Variants in FBN2 observed in about 807,000 individuals in gnomAD.
FBN2 encodes the protein fibrillin 2, also known as fibrillin-2.
A neutral mutation model predicts 355.6 loss-of-function variants in FBN2; 105 were observed. That is an observed-to-expected ratio of 0.30 (90% CI 0.25 to 0.35). The LOEUF (loss-of-function observed/expected upper bound fraction) is 0.35. Among genes scored for constraint, FBN2 ranks in the 10% least tolerant of loss-of-function variants. The probability of loss-of-function intolerance (pLI) is 1.00; values close to 1 mark genes in which losing one functional copy is unlikely to be tolerated. For synonymous variants in FBN2, 1,350 were observed against 1,301.2 expected (o/e 1.04, Z -0.81); for missense variants, 3,280 against 3,758.7 (o/e 0.87, Z 3.33).
intron 54 of FBN2, 121 bp downstream of exon 54, chr5:128,287,187 G>A: frequency 8.4e-7 from 1 of 1,188,660 alleles, no homozygotes; most frequent in Non-Finnish European, 1.2e-6. Flanking sequence ...CTAGCAAAAT[G>A]CTGTCATATA....
intron 5 of FBN2, among the ~76,000 whole-genome samples, chr5:128,495,187 T>C (rs1044025692): frequency 7.1e-6 from 1 of 140,146 alleles, no homozygotes; most frequent in African/African-American, 3.0e-5. Flanking sequence ...AAGAGTAGAT[T>C]GGAACTCGCA....
At chr5:128,313,463 C>G (rs1750114622) in intron 36 of FBN2, among the ~76,000 whole-genome samples, 1 of 152,148 alleles carries the variant, frequency 6.6e-6, no homozygotes, top group Non-Finnish European at 1.5e-5. Context: ...TGTCAATGCT[C>G]TTTCCTCCAT....
chr5:128,497,540 G>A (rs1246683671), intron 5 of FBN2, among the ~76,000 whole-genome samples: 4 of 152,172 alleles, frequency 2.6e-5, no homozygotes, highest in East Asian at 3.8e-4. Context: ...GAACCAGCAC[G>A]TAAAAGGAAA....
chr5:128,462,371 A>G (rs1418176386), intron 6 of FBN2, among the ~76,000 whole-genome samples: 2 of 152,188 alleles, frequency 1.3e-5, no homozygotes, highest in Non-Finnish European at 2.9e-5. Flanking sequence ...AGGAATTTAA[A>G]GGAAAAAAAT....
At chr5:128,413,770 A>C (rs1307790850) in intron 7 of FBN2, among the ~76,000 whole-genome samples, 1 of 148,338 alleles carries the variant, frequency 6.7e-6, no homozygotes, top group African/African-American at 2.6e-5. Flanking sequence ...AGTACAAATA[A>C]AACAAGAAAT....
chr5:128,313,874 A>AC (rs1750129440), intron 36 of FBN2, among the ~76,000 whole-genome samples: 1 of 151,372 alleles, frequency 6.6e-6, no homozygotes, highest in East Asian at 1.9e-4. Flanking sequence ...AAAAAAAAAA[A>AC]AACATATCTG....
At chr5:128,373,288 A>G (rs1447739261) in intron 15 of FBN2, among the ~76,000 whole-genome samples, 1 of 152,230 alleles carries the variant, frequency 6.6e-6, no homozygotes, top group African/African-American at 2.4e-5. Flanking sequence ...AAGCAAGTAA[A>G]TATATTAAAG....
chr5:128,263,769 A>C, intron 62 of FBN2, 113 bp from the exon 63 acceptor site: 1 of 688,292 alleles, frequency 1.5e-6, no homozygotes. Flanking sequence ...ACTCTAACAC[A>C]GTATTTTATT....
chr5:128,364,404 T>C (rs1016846455), intron 18 of FBN2, among the ~76,000 whole-genome samples, 196 bp downstream of exon 18: 2 of 152,194 alleles, frequency 1.3e-5, no homozygotes, highest in East Asian at 1.9e-4. Context: ...TAAAAACGAA[T>C]TGGTACCACC....
At chr5:128,480,816 T>G (rs957169592) in intron 5 of FBN2, among the ~76,000 whole-genome samples, 3 of 152,192 alleles carry the variant, frequency 2.0e-5, no homozygotes, top group African/African-American at 7.2e-5. Flanking sequence ...ACTCTCTGGT[T>G]TTCCAAAACA....
intron 7 of FBN2, among the ~76,000 whole-genome samples, chr5:128,428,173 G>C (rs1262743069): frequency 6.6e-6 from 1 of 152,090 alleles, no homozygotes; most frequent in Non-Finnish European, 1.5e-5. Flanking sequence ...GATTATTGCA[G>C]GAGCCTCCCA....
chr5:128,519,481 T>A, intron 4 of FBN2, 113 bp from the exon 5 acceptor site: 1 of 767,036 alleles, frequency 1.3e-6, no homozygotes, highest in Non-Finnish European at 2.3e-6. Flanking sequence ...TACATTATGT[T>A]AATTAAACTG....
chr5:128,445,460 A>G (rs1754039416), intron 7 of FBN2, among the ~76,000 whole-genome samples: 1 of 152,208 alleles, frequency 6.6e-6, no homozygotes, highest in Non-Finnish European at 1.5e-5. Flanking sequence ...AATATAGTTC[A>G]TACTGCTGTT....
At chr5:128,289,973 AT>A in intron 50 of FBN2, 26 bp from the exon 51 acceptor site, 1 of 1,382,622 alleles carries the variant, frequency 7.2e-7, no homozygotes, top group Non-Finnish European at 1.0e-6. Context: ...CAAATTCTCC[AT>A]TATTGAAGAC....
intron 48 of FBN2, among the ~76,000 whole-genome samples, chr5:128,294,428 G>A (rs1015147719): frequency 1.3e-5 from 2 of 152,172 alleles, no homozygotes; most frequent in East Asian, 1.9e-4. Flanking sequence ...CTTCCACAAC[G>A]GTTGAACTAG....
In FBN2 at chr5:128,286,690, T is replaced by G. The variant is rs776054606; in HGVS notation, c.7012+28A>C. 5.6e-6 allele frequency: 9 copies of G among 1,613,628 alleles called. No homozygotes were observed. In the Admixed American group the frequency reaches 1.0e-4, roughly 18 times the overall value. Reference sequence around the variant, plus strand: ...TGAGGCTGGGAGTGGAGGCATTACATAAGCAGACACCTTCCCTTACCGCTT... The same window carrying G: ...TGAGGCTGGGAGTGGAGGCATTACAGAAGCAGACACCTTCCCTTACCGCTT... On this transcript the variant is annotated intron_variant, in intron 55 of 64. Transcript: ENST00000262464.
intron 8 of FBN2, among the ~76,000 whole-genome samples, chr5:128,401,566 A>T (rs1327459361): frequency 6.6e-6 from 1 of 152,114 alleles, no homozygotes; most frequent in East Asian, 1.9e-4. Context: ...GTGGATCACA[A>T]GGTCAGGAGA....
chr5:128,375,775 C>T (rs1434495351), intron 14 of FBN2, among the ~76,000 whole-genome samples: 5 of 152,176 alleles, frequency 3.3e-5, no homozygotes, highest in African/African-American at 1.2e-4. Context: ...ATGGCTCATG[C>T]CTGTAATCCC....
chr5:128,308,236 CAAAG>C (rs937194974), intron 41 of FBN2, among the ~76,000 whole-genome samples: 5 of 152,080 alleles, frequency 3.3e-5, no homozygotes, highest in Non-Finnish European at 5.9e-5. Context: ...CTTCTTCTCA[CAAAG>C]AAAGTGCCAT....
Sources: allele counts gnomAD v4.1 joint callset (sites outside exome capture counted in the v4.1 genomes callset), GRCh38; gene constraint gnomAD v4.1.1; transcripts MANE v1.5; gene names NCBI Gene and HGNC (gene_info 2026-07-23, HGNC 2026-07-21).